The following HIVEP2 variants were observed in gnomAD, a reference collection of about 807,000 sequenced individuals.
HIVEP2 encodes transcription factor HIVEP2.
A neutral mutation model predicts 180.7 loss-of-function variants in HIVEP2; 14 were observed. The ratio of observed to expected loss-of-function variants is 0.08; its 90% CI spans 0.05 to 0.12. The LOEUF is 0.12. HIVEP2 is among the 10% of genes least tolerant of loss of function. HIVEP2 has a pLI of 1.00. For synonymous variants in HIVEP2, 1,184 were observed against 1,136.4 expected (o/e 1.04, Z -0.84); for missense variants, 2,579 against 3,008.5 (o/e 0.86, Z 3.34).
intron 2 of HIVEP2, among the ~76,000 whole-genome samples, chr6:142,830,240 C>T (rs1039058524): frequency 6.6e-6 from 1 of 152,050 alleles, no homozygotes; most frequent in Non-Finnish European, 1.5e-5. Flanking sequence ...AACTAGACTG[C>T]CTCAATCAAT....
chr6:142,855,154 C>G (rs553494862), intron 1 of HIVEP2, among the ~76,000 whole-genome samples: 2 of 152,312 alleles, frequency 1.3e-5, no homozygotes, highest in African/African-American at 4.8e-5. Flanking sequence ...GGGTCCCAGT[C>G]ACATGGAGTG....
At chr6:142,915,421 GGA>G (rs1777526508) in intron 1 of HIVEP2, among the ~76,000 whole-genome samples, 1 of 152,140 alleles carries the variant, frequency 6.6e-6, no homozygotes. Flanking sequence ...CCAGAGGCTG[GGA>G]GAGAGGCACA....
At chr6:142,781,934 G>C (rs1203609991) in intron 3 of HIVEP2, among the ~76,000 whole-genome samples, 1 of 152,104 alleles carries the variant, frequency 6.6e-6, no homozygotes, top group Non-Finnish European at 1.5e-5. Flanking sequence ...GGGATCTTTT[G>C]CTTAGGAAAA....
In HIVEP2 at chr6:142,773,295, T is replaced by C. The variant is rs200543574; in HGVS notation, c.1444A>G (p.Lys482Glu). Residue 482 changes from lysine (K) to glutamate (E), a missense_variant, in exon 5 of 10, where the codon AAG becomes GAG. Lys to Glu is a moderately conservative substitution (Grantham distance 56). This residue lies in a region of HIVEP2 where 524 missense variants were observed against 563.6 expected (regional missense o/e 0.93). Transcript: ENST00000367603. Reference protein sequence around the residue: ...EDPVSQLIPSKGDVDPSQTSM... With the variant: ...EDPVSQLIPSEGDVDPSQTSM... ...GTTTGACTGGGGTCGACATCTCCCT[T>C]GCTTGGGATCAGCTGTGAAACAGGA... is the stretch of plus-strand genomic sequence containing the variant. 1.2e-6 allele frequency: 2 copies of C among 1,614,212 alleles called. No homozygotes were observed. The highest frequency in any genetic ancestry group is 8.5e-7 in the Non-Finnish European group (1 of 1,180,038).
chr6:142,766,128 T>A (rs926972800), intron 6 of HIVEP2, among the ~76,000 whole-genome samples: 1 of 152,220 alleles, frequency 6.6e-6, no homozygotes, highest in African/African-American at 2.4e-5. Context: ...AAGGCAAGTT[T>A]AACTTCAGTC....
rs1471739085 is a variant in HIVEP2, at chr6:142,794,709, C to G, written c.-527-11094G>C. 2.0e-5 allele frequency among the ~76,000 whole-genome samples: 3 copies of G among 152,178 alleles called. No individual in the cohort carries two copies. In the East Asian group the frequency reaches 5.8e-4, roughly 29 times the overall value. ...TATTCTTGGACATGGATAACTTACA[C>G]CGGCAGATCCTACACACAAATCCTG... On this transcript the variant is annotated intron_variant, in intron 2 of 9. Transcript: ENST00000367603.
rs74370780 is a variant in HIVEP2 at position 142,854,233 on chromosome 6, G to A, written c.-640-17186C>T. Among the ~76,000 whole-genome samples, 172 of 152,226 alleles carry A rather than the reference G, an allele frequency of 1.1e-3. 1 individual carries two copies. In the East Asian group the frequency reaches 0.016, roughly 14 times the overall value. ...GGAGTTCTTTCTGGTTGCCAAGACT[G>A]GGAGTGGGAAGGGGTATGCTATTGT... is the stretch of plus-strand genomic sequence containing the variant. On this transcript the variant is annotated intron_variant, in intron 1 of 9. Coordinates refer to ENST00000367603, the MANE Select transcript of HIVEP2 (RefSeq NM_006734.4).
rs200310309 is a variant in HIVEP2 at position 142,760,387 on chromosome 6, C to T, written c.5901G>A (p.Ser1967=). ...GCAAAGTAACCAAATAGCTGATCAA[C>T]GAAGAATGTCCCAGGGAACTATCTG... ...VPSDSSLGHS[S]LISYLVTLPS... Residue 1967 remains serine (S), a synonymous_variant, in exon 9 of 10, where the codon TCG becomes TCA. Coordinates refer to ENST00000367603, the MANE Select transcript of HIVEP2 (RefSeq NM_006734.4). 2.6e-5 allele frequency: 42 copies of T among 1,614,068 alleles called. No homozygotes were observed. The highest frequency in any genetic ancestry group is 3.5e-5 in the Non-Finnish European group (41 of 1,180,046).
rs9399411 is a variant in HIVEP2, at chr6:142,909,760, A to G, written c.-641+35339T>C. Reference sequence around the variant, plus strand: ...TAAGTCCTGGAGATAACAGTATCATATGGGGCAGGCATGGTCTCAGCCCTA... The same window carrying G: ...TAAGTCCTGGAGATAACAGTATCATGTGGGGCAGGCATGGTCTCAGCCCTA... On this transcript the variant is annotated intron_variant, in intron 1 of 9. Coordinates refer to ENST00000367603, the MANE Select transcript of HIVEP2 (RefSeq NM_006734.4). Among the ~76,000 whole-genome samples the G allele has an allele frequency of 8.6e-3, 1,309 of 152,318 alleles. 85 individuals carry two copies. The East Asian group carries it at 0.17, about 20-fold the overall frequency.
intron 2 of HIVEP2, among the ~76,000 whole-genome samples, chr6:142,785,440 C>T (rs956361735): frequency 3.3e-5 from 5 of 150,726 alleles, no homozygotes; most frequent in South Asian, 2.1e-4. Context: ...GATATTTATA[C>T]GGAACCTTAA....
chr6:142,823,863 A>T (rs1171141191), intron 2 of HIVEP2, among the ~76,000 whole-genome samples: 1 of 152,258 alleles, frequency 6.6e-6, no homozygotes, highest in Non-Finnish European at 1.5e-5. Context: ...TTTCAAAAAA[A>T]TATTAAAAAG....
intron 1 of HIVEP2, among the ~76,000 whole-genome samples, chr6:142,891,339 A>T (rs1776855788): frequency 6.6e-6 from 1 of 151,896 alleles, no homozygotes; most frequent in Non-Finnish European, 1.5e-5. Flanking sequence ...TCCCACATCA[A>T]GAATTTTAGC....
chr6:142,847,464 T>C (rs1231913440), intron 1 of HIVEP2, among the ~76,000 whole-genome samples: 1 of 151,856 alleles, frequency 6.6e-6, no homozygotes, highest in African/African-American at 2.4e-5. Context: ...GTTTTACACA[T>C]ATTTGCGATT....
chr6:142,773,810 C>G lies in HIVEP2; in HGVS notation c.929G>C (p.Gly310Ala). 1 of 1,613,862 alleles carries G rather than the reference C, an allele frequency of 6.2e-7. No homozygotes were observed. ...TGATTCTTCCAATGACCCATGATAG[C>G]CGCCTCTGCTGGCAATGTCCAGTGG... is the stretch of plus-strand genomic sequence containing the variant. ...PIPLDIASRGGYHGSLEESLG... is the reference protein window; with the variant it reads ...PIPLDIASRGAYHGSLEESLG... The change falls in exon 5 of 10, where the codon GGC (glycine) becomes GCC (alanine). Residue 310 changes from glycine to alanine, a missense_variant. Physicochemically the swap from Gly to Ala is moderately conservative, Grantham distance 60. Coordinates refer to ENST00000367603, the MANE Select transcript of HIVEP2 (RefSeq NM_006734.4).
At chr6:142,820,297 TTCTCTCTC>T (rs3057563) in intron 2 of HIVEP2, among the ~76,000 whole-genome samples, 3 of 148,282 alleles carry the variant, frequency 2.0e-5, no homozygotes, top group African/African-American at 5.0e-5. Flanking sequence ...TCGCTCTCTC[TTCTCTCTC>T]TCTCTCTCTC....
At position 142,764,862 on chromosome 6, in the gene HIVEP2, G is replaced by A; in HGVS notation, c.5455C>T (p.Arg1819Cys). Residue 1819 changes from arginine to cysteine, a missense_variant, in exon 7 of 10, where the codon CGT becomes TGT. Arg to Cys is a radical substitution (Grantham distance 180). Transcript: ENST00000367603. ...KKPSMLKKHIRTHTDVRPYVC... is the reference protein window; with the variant it reads ...KKPSMLKKHICTHTDVRPYVC... ...TAAGGCCGAACATCAGTATGGGTAC[G>A]GATGTGTTTTTTGAGCATGCTTGGC... 5 of 1,613,824 alleles carry A rather than the reference G, an allele frequency of 3.1e-6. No homozygotes were observed. Among genetic ancestry groups the A allele is most frequent in the East Asian group, 2.2e-5 (1 of 44,864 alleles).
At chr6:142,832,156 C>T (rs2114865335) in intron 2 of HIVEP2, among the ~76,000 whole-genome samples, 1 of 148,872 alleles carries the variant, frequency 6.7e-6, no homozygotes, top group South Asian at 2.1e-4. Flanking sequence ...TGTGCCACTG[C>T]ACTCCATCCT....
intron 2 of HIVEP2, among the ~76,000 whole-genome samples, chr6:142,797,459 T>C (rs137958489): frequency 1.2e-4 from 18 of 152,242 alleles, no homozygotes; most frequent in Admixed American, 9.2e-4. Context: ...ATATTTTAGA[T>C]AGAGAATAGA....
At chr6:142,918,479 C>T (rs1777613967) in intron 1 of HIVEP2, among the ~76,000 whole-genome samples, 1 of 152,182 alleles carries the variant, frequency 6.6e-6, no homozygotes, top group African/African-American at 2.4e-5. Context: ...TTTAACAGAC[C>T]GCGTGCCTCC....
Sources: gnomAD v4.1 joint callset for allele counts (sites outside exome capture counted in the v4.1 genomes callset) on GRCh38, gnomAD v4.1.1 for gene constraint, gnomAD v4.1.1 regional missense constraint, MANE v1.5 for transcripts, NCBI Gene and HGNC (gene_info 2026-07-23, HGNC 2026-07-21) for gene names.